The following LDLRAD4 variants were observed in gnomAD, a reference collection of about 807,000 sequenced individuals.
LDLRAD4 encodes low-density lipoprotein receptor class A domain-containing protein 4.
In LDLRAD4, 5 loss-of-function variants were observed where a neutral mutation model predicts 17.0. The observed-to-expected ratio is 0.29, with a 90% CI of 0.15 to 0.62. The LOEUF (loss-of-function observed/expected upper bound fraction) is 0.62, where lower values mean the gene tolerates loss of function less well. Ranked by LOEUF, LDLRAD4 falls within the 20% of genes least tolerant of loss-of-function variation. The pLI is 0.84. For synonymous variants in LDLRAD4, 168 were observed against 171.8 expected (o/e 0.98, Z 0.17); for missense variants, 340 against 424.7 (o/e 0.80, Z 1.75).
chr18:13,486,813 A>G (rs1298443352), intron 3 of LDLRAD4: 4 of 152,204 alleles, frequency 2.6e-5, no homozygotes, highest in Non-Finnish European at 5.9e-5. Context: ...AAACAAAAAA[A>G]GCCCCAGAAC....
rs1262794678 is a variant in LDLRAD4, at chr18:13,300,096, G to T, written c.-383+21908G>T. ...GGAACAGCTGGTCACAGCCCATGTG[G>T]CTCTGCCCCATGCTTCACACATCTT... On this transcript the variant is annotated intron_variant, in intron 1 of 5. Coordinates refer to ENST00000359446, the Ensembl canonical transcript of LDLRAD4. The surrounding 1 kb of genome is among the most constrained non-coding windows in gnomAD (Gnocchi z 4.2). Among the ~76,000 whole-genome samples the T allele has an allele frequency of 1.3e-5, 2 of 152,160 alleles. No individual in the cohort carries two copies. The highest frequency in any genetic ancestry group is 2.9e-5 in the Non-Finnish European group (2 of 68,034).
intron 1 of LDLRAD4, among the ~76,000 whole-genome samples, chr18:13,253,371 C>G (rs1270173979): frequency 6.6e-6 from 1 of 152,178 alleles, no homozygotes; most frequent in African/African-American, 2.4e-5. Context: ...GTTGCTCACT[C>G]TTTTTTAAGA....
chr18:13,265,935 C>T (rs2044191441), intron 1 of LDLRAD4, among the ~76,000 whole-genome samples: 1 of 152,138 alleles, frequency 6.6e-6, no homozygotes, highest in African/African-American at 2.4e-5. Flanking sequence ...AGCACTCAGC[C>T]TCCTCCTCAC....
At chr18:13,372,239 G>T (rs1484527036) in intron 1 of LDLRAD4, among the ~76,000 whole-genome samples, 1 of 152,222 alleles carries the variant, frequency 6.6e-6, no homozygotes, top group African/African-American at 2.4e-5. Flanking sequence ...CTGTGCACCT[G>T]TTCTTCGCAG....
At chr18:13,519,882 A>G (rs1415224308) in intron 3 of LDLRAD4, 1 of 152,212 alleles carries the variant, frequency 6.6e-6, no homozygotes, top group Non-Finnish European at 1.5e-5. Flanking sequence ...ATGAGCTTCA[A>G]ATTTTCTGAG....
At chr18:13,337,316 C>A (rs1387119705) in intron 1 of LDLRAD4, among the ~76,000 whole-genome samples, 2 of 152,182 alleles carry the variant, frequency 1.3e-5, no homozygotes, top group Admixed American at 1.3e-4. Context: ...TGGGATCTTT[C>A]ATTTCTCTGT....
chr18:13,510,018 T>G (rs2093752628), intron 3 of LDLRAD4, among the ~76,000 whole-genome samples: 5 of 152,220 alleles, frequency 3.3e-5, no homozygotes, highest in Admixed American at 3.3e-4. Context: ...AAACCTAACT[T>G]TTATATGCAC....
At chr18:13,410,582 A>T (rs1452237592) in intron 2 of LDLRAD4, among the ~76,000 whole-genome samples, 1 of 152,234 alleles carries the variant, frequency 6.6e-6, no homozygotes, top group African/African-American at 2.4e-5. Context: ...ATCTGCATTA[A>T]TGGATGGAAA....
intron 1 of LDLRAD4, among the ~76,000 whole-genome samples, chr18:13,353,236 C>T (rs1219407490): frequency 6.6e-6 from 1 of 152,074 alleles, no homozygotes. Context: ...ATAACCACTT[C>T]CTCCTGTCTT....
At chr18:13,287,017 C>G (rs888216069) in intron 1 of LDLRAD4, among the ~76,000 whole-genome samples, 2 of 152,108 alleles carry the variant, frequency 1.3e-5, no homozygotes, top group Admixed American at 1.3e-4. Context: ...AGAGCCTGGA[C>G]CAGCCCGTGT....
At chr18:13,613,386 T>G (rs926706033) in intron 3 of LDLRAD4, 3 of 152,260 alleles carry the variant, frequency 2.0e-5, no homozygotes, top group African/African-American at 7.2e-5. Flanking sequence ...TTTTTTCTGA[T>G]GCACTTTCCT....
chr18:13,218,656 C>A (rs1330819866), upstream of LDLRAD4: 1 of 152,226 alleles, frequency 6.6e-6, no homozygotes, highest in Non-Finnish European at 1.5e-5. Flanking sequence ...CCGGCCCCGG[C>A]CCCTCGGGCC....
intron 1 of LDLRAD4, among the ~76,000 whole-genome samples, chr18:13,303,105 C>T (rs1469753878): frequency 6.6e-6 from 1 of 152,258 alleles, no homozygotes; most frequent in Non-Finnish European, 1.5e-5. Flanking sequence ...GACCTCAGAG[C>T]TGCCCACAGG....
chr18:13,348,081 C>G (rs1375645369), intron 1 of LDLRAD4, among the ~76,000 whole-genome samples: 1 of 152,226 alleles, frequency 6.6e-6, no homozygotes. Context: ...TCGTCAAAGT[C>G]ATTCTCTGTC....
intron 4 of LDLRAD4, among the ~76,000 whole-genome samples, chr18:13,624,345 A>C (rs976853975): frequency 1.4e-4 from 22 of 152,162 alleles, no homozygotes; most frequent in Admixed American, 1.4e-3. Context: ...CTGCCTTGGG[A>C]ACAGTTTCCC....
At chr18:13,509,246 C>T (rs1568275709) in intron 3 of LDLRAD4, among the ~76,000 whole-genome samples, 2 of 152,134 alleles carry the variant, frequency 1.3e-5, no homozygotes, top group South Asian at 2.1e-4. Context: ...CCTAGGAGGT[C>T]GAGACTGGAG....
exon 6 of LDLRAD4, chr18:13,651,822 G>A (rs1470889120): frequency 6.6e-6 from 1 of 152,144 alleles, no homozygotes; most frequent in African/African-American, 2.4e-5. Flanking sequence ...TTGCTCCATG[G>A]TGTATGTTCT....
chr18:13,247,494 T>C (rs1372524853), intron 1 of LDLRAD4, among the ~76,000 whole-genome samples: 1 of 152,178 alleles, frequency 6.6e-6, no homozygotes, highest in Non-Finnish European at 1.5e-5. Context: ...TGCTTTTTAT[T>C]CTTTGTTCTT....
chr18:13,520,357 G>A (rs6505822), intron 3 of LDLRAD4: 44,791 of 152,018 alleles, frequency 0.29, 6,936 homozygotes, highest in Middle Eastern at 0.49. Flanking sequence ...AGACTCTAGG[G>A]TGATTCTTCC....
Sources: allele counts gnomAD v4.1 joint callset (sites outside exome capture counted in the v4.1 genomes callset), GRCh38; gene constraint gnomAD v4.1.1; non-coding constraint Gnocchi (gnomAD v3.1); transcripts MANE v1.5; gene names NCBI Gene and HGNC (gene_info 2026-07-23, HGNC 2026-07-21).